IFT80: variants seen among roughly 807,000 people sequenced by gnomAD.
The protein encoded by IFT80 is intraflagellar transport 80, also known as intraflagellar transport protein 80 homolog.
In IFT80, 79 loss-of-function variants were observed where a neutral mutation model predicts 107.9. The ratio of observed to expected loss-of-function variants is 0.73; its 90% CI spans 0.61 to 0.88. The LOEUF (loss-of-function observed/expected upper bound fraction) is 0.88. Among genes scored for constraint, IFT80 ranks in the 40% least tolerant of loss-of-function variants. The pLI is 0.00. For synonymous variants in IFT80, 299 were observed against 300.9 expected (o/e 0.99, Z 0.07); for missense variants, 797 against 914.2 (o/e 0.87, Z 1.65).
intron 6 of IFT80, among the ~76,000 whole-genome samples, chr3:160,360,996 C>T (rs983477088): frequency 6.6e-6 from 1 of 152,182 alleles, no homozygotes; most frequent in African/African-American, 2.4e-5. Context: ...AACCAGCTAA[C>T]ATCACGTCAG....
intron 8 of IFT80, among the ~76,000 whole-genome samples, chr3:160,350,284 T>C (rs895951488): frequency 6.6e-6 from 1 of 151,580 alleles, no homozygotes; most frequent in Non-Finnish European, 1.5e-5. Flanking sequence ...GGAGTGGTGG[T>C]GGACGCCTGT....
In IFT80 at chr3:160,285,855, A is replaced by C; in HGVS notation, c.1329T>G (p.Phe443Leu). The C allele has an allele frequency of 6.2e-7, 1 of 1,611,450 alleles. No individual in the cohort carries two copies. Among genetic ancestry groups the C allele is most frequent in the South Asian group, 1.1e-5 (1 of 90,832 alleles). The change falls in exon 13 of 20, where the codon TTT becomes TTG. Residue 443 changes from phenylalanine (F) to leucine (L), a missense_variant. By Grantham distance (22) the Phe-to-Leu change is conservative (BLOSUM62 0). Transcript: ENST00000326448. ...CTAACGGCTTTCCGGTTGATGCCTC[A>C]AAGAGGAAGATTACTTGAAAAAAAG... ...DKADEKIIFLFEASTGKPLGD... is the reference protein window; with the variant it reads ...DKADEKIIFLLEASTGKPLGD...
chr3:160,398,402 A>G (rs1482333359), intron 1 of IFT80, among the ~76,000 whole-genome samples: 1 of 151,756 alleles, frequency 6.6e-6, no homozygotes, highest in Non-Finnish European at 1.5e-5. Context: ...AAAGTTAAAG[A>G]AAAAAAAAGG....
At chr3:160,315,296 G>T (rs1717734453) in intron 9 of IFT80, among the ~76,000 whole-genome samples, 3 of 152,294 alleles carry the variant, frequency 2.0e-5, no homozygotes, top group Middle Eastern at 3.4e-3. Context: ...TGTCTCCAGT[G>T]AGCAGAGGGA....
chr3:160,359,713 G>A (rs530692856), intron 6 of IFT80, among the ~76,000 whole-genome samples: 8 of 152,284 alleles, frequency 5.3e-5, no homozygotes, highest in Admixed American at 3.3e-4. Flanking sequence ...CAGGCAAACG[G>A]CCTGAAGTGG....
chr3:160,381,674 A>T lies in IFT80; in HGVS notation c.88T>A (p.Ser30Thr). 1 of 1,612,232 alleles carries T rather than the reference A, an allele frequency of 6.2e-7. No individual in the cohort carries two copies. The highest frequency in any genetic ancestry group is 1.7e-5 in the Admixed American group (1 of 60,014). ...ACTATCTGGTGATCATCACTACATG[A>T]ATACAGCTCTTCAGCAGTAGTCCAG... is the stretch of plus-strand genomic sequence containing the variant. ...VGWTTAEELY[S>T]CSDDHQIVKW... The change falls in exon 3 of 20, where the codon TCA becomes ACA. Residue 30 changes from serine to threonine, a missense_variant. Ser to Thr is a moderately conservative substitution (Grantham distance 58). Coordinates refer to ENST00000326448, the MANE Select transcript of IFT80 (RefSeq NM_020800.3).
intron 12 of IFT80, among the ~76,000 whole-genome samples, chr3:160,296,175 A>G (rs1217588601): frequency 2.6e-5 from 4 of 152,190 alleles, no homozygotes; most frequent in African/African-American, 9.7e-5. Context: ...TATTTCTATC[A>G]CAATCAAATA....
chr3:160,307,609 T>G, intron 10 of IFT80, 54 bp downstream of exon 10: 1 of 960,438 alleles, frequency 1.0e-6, no homozygotes, highest in East Asian at 2.4e-5. Flanking sequence ...GAAAATAAAC[T>G]CCTCAGCACA....
At position 160,258,478 on chromosome 3, in the gene IFT80, C is replaced by A; in HGVS notation, c.*47G>T. 6.2e-7 allele frequency: 1 copy of A among 1,611,340 alleles called. No individual in the cohort carries two copies. Among genetic ancestry groups the A allele is most frequent in the South Asian group, 1.1e-5 (1 of 90,996 alleles). On this transcript the variant is annotated 3_prime_UTR_variant, in exon 20 of 20. Coordinates refer to ENST00000326448, the MANE Select transcript of IFT80 (RefSeq NM_020800.3). ...CAAAACATGCTTACCCTTGGTTAAT[C>A]AGAACGTGTTTCAAAAGATAAAATT...
chr3:160,263,242 CTTAATT>C (rs934102188), intron 19 of IFT80, among the ~76,000 whole-genome samples: 15 of 152,188 alleles, frequency 9.9e-5, no homozygotes, highest in African/African-American at 3.6e-4. Flanking sequence ...CAACTGTTCT[CTTAATT>C]TTACTTCTAA....
Position 160,280,659 on chromosome 3 carries a change from A to G in IFT80, c.1664+8T>C, listed in dbSNP as rs755731425. Reference sequence around the variant, plus strand: ...TACAAAACAGAATTATACGCAGTAAAATGTTACCTTGCATCCCTTTCATAT... The same window carrying G: ...TACAAAACAGAATTATACGCAGTAAGATGTTACCTTGCATCCCTTTCATAT... On this transcript the variant is annotated splice_region_variant and intron_variant, in intron 15 of 19. Coordinates refer to ENST00000326448, the MANE Select transcript of IFT80 (RefSeq NM_020800.3). 18 of 1,609,274 alleles carry G rather than the reference A, an allele frequency of 1.1e-5. No individual in the cohort carries two copies. Among genetic ancestry groups the G allele is most frequent in the Non-Finnish European group, 1.5e-5 (18 of 1,176,168 alleles).
chr3:160,398,148 C>A (rs1045551405), intron 1 of IFT80, among the ~76,000 whole-genome samples: 1 of 152,138 alleles, frequency 6.6e-6, no homozygotes, highest in Non-Finnish European at 1.5e-5. Flanking sequence ...TCGTTTTTAA[C>A]TTCAAACATA....
At chr3:160,357,826 T>C (rs2108362968) in intron 6 of IFT80, among the ~76,000 whole-genome samples, 1 of 152,282 alleles carries the variant, frequency 6.6e-6, no homozygotes, top group East Asian at 1.9e-4. Flanking sequence ...CTCAGTTGCC[T>C]GGACTCCAGA....
chr3:160,382,976 G>GA (rs1712640917), intron 2 of IFT80, among the ~76,000 whole-genome samples: 1 of 152,094 alleles, frequency 6.6e-6, no homozygotes, highest in African/African-American at 2.4e-5. Context: ...GACCATTCCT[G>GA]AAAAAACTGT....
intron 5 of IFT80, among the ~76,000 whole-genome samples, chr3:160,366,944 T>C (rs1721913455): frequency 6.6e-6 from 1 of 151,978 alleles, no homozygotes; most frequent in Non-Finnish European, 1.5e-5. Flanking sequence ...TTTCCCAGCA[T>C]CTTGTTACCA....
chr3:160,316,785 GA>G (rs1296964578), intron 9 of IFT80, among the ~76,000 whole-genome samples: 1 of 151,860 alleles, frequency 6.6e-6, no homozygotes, highest in Admixed American at 6.6e-5. Flanking sequence ...AATTACTAGG[GA>G]AAAAAAAGCA....
intron 8 of IFT80, among the ~76,000 whole-genome samples, chr3:160,339,037 T>C (rs924005648): frequency 3.3e-5 from 5 of 152,168 alleles, no homozygotes; most frequent in African/African-American, 1.2e-4. Context: ...AAACAGTGTC[T>C]TGGAACTCCA....
intron 8 of IFT80, among the ~76,000 whole-genome samples, chr3:160,324,834 CA>C (rs1260526646): frequency 6.6e-6 from 1 of 152,060 alleles, no homozygotes; most frequent in Non-Finnish European, 1.5e-5. Context: ...AAGAGGAAGT[CA>C]AATTGTCCCT....
At chr3:160,279,967 AATTTT>A (rs1239728509) in intron 15 of IFT80, among the ~76,000 whole-genome samples, 31 of 152,106 alleles carry the variant, frequency 2.0e-4, no homozygotes, top group African/African-American at 7.5e-4. Context: ...TAAAAAGACT[AATTTT>A]TTTTCATTAG....
Sources: gnomAD v4.1 joint callset for allele counts (sites outside exome capture counted in the v4.1 genomes callset) on GRCh38, gnomAD v4.1.1 for gene constraint, MANE v1.5 for transcripts, NCBI Gene and HGNC (gene_info 2026-07-23, HGNC 2026-07-21) for gene names.